Variants in MPP7 observed in about 807,000 individuals in gnomAD.
MPP7 encodes the protein MAGUK p55 scaffold protein 7.
In MPP7, 60 loss-of-function variants were observed where a neutral mutation model predicts 76.5. The observed-to-expected ratio is 0.78, with a 90% CI of 0.64 to 0.97. MPP7 has a LOEUF of 0.97. MPP7 is among the 50% of genes least tolerant of loss of function. The pLI is 0.00. For missense variants in MPP7, 641 were observed against 694.0 expected (o/e 0.92, Z 0.86); for synonymous variants, 237 against 244.5 (o/e 0.97, Z 0.29).
At chr10:28,306,996 G>C (rs1044768741), upstream of MPP7, among the ~76,000 whole-genome samples, 1 of 152,142 alleles carries the variant, frequency 6.6e-6, no homozygotes, top group Non-Finnish European at 1.5e-5. Context: ...TAAATCACCT[G>C]CCTAACCCTA....
intron 3 of MPP7, among the ~76,000 whole-genome samples, chr10:28,195,737 G>A (rs895789111): frequency 3.9e-5 from 6 of 152,332 alleles, no homozygotes; most frequent in African/African-American, 1.4e-4. Context: ...ATGGGAGAGA[G>A]AATGCAAGGA....
chr10:28,116,858 G>GA (rs1834677741), intron 11 of MPP7, among the ~76,000 whole-genome samples: 1 of 152,104 alleles, frequency 6.6e-6, no homozygotes, highest in Non-Finnish European at 1.5e-5. Flanking sequence ...AAGCAACAAA[G>GA]ATGAATATGA....
At chr10:28,236,020 A>C (rs1839063356) in intron 2 of MPP7, among the ~76,000 whole-genome samples, 1 of 152,238 alleles carries the variant, frequency 6.6e-6, no homozygotes, top group Admixed American at 6.5e-5. Context: ...AGCTATCACT[A>C]GTAACGCACA....
At chr10:28,061,411 C>A (rs1851779261) in intron 13 of MPP7, among the ~76,000 whole-genome samples, 1 of 151,474 alleles carries the variant, frequency 6.6e-6, no homozygotes, top group Non-Finnish European at 1.5e-5. Flanking sequence ...CCAACAGAAA[C>A]AAATCACTAG....
intron 2 of MPP7, among the ~76,000 whole-genome samples, chr10:28,313,937 C>A (rs1198091655): frequency 7.2e-6 from 1 of 139,300 alleles, no homozygotes; most frequent in East Asian, 2.1e-4. Context: ...AACTCCTGGG[C>A]TCAAGTAGTC....
At chr10:28,212,361 T>C (rs1264767184) in intron 2 of MPP7, among the ~76,000 whole-genome samples, 2 of 152,014 alleles carry the variant, frequency 1.3e-5, no homozygotes, top group Non-Finnish European at 2.9e-5. Context: ...ATGAGGGACA[T>C]GGGGGAAAAA....
At position 28,150,063 on chromosome 10, in the gene MPP7, G is replaced by A. The variant is rs1835832943; in HGVS notation, c.157-4C>T. On this transcript the variant is annotated splice_polypyrimidine_tract_variant and splice_region_variant and intron_variant, in intron 3 of 16. Transcript: ENST00000683449. The stretch of plus-strand genomic sequence containing the variant: ...AGTAGTGTAGTTTTTCATGAATCTG[G>A]AAGAAAATCAAATGCATATAAGTTC... 1 of 1,611,360 alleles carries A rather than the reference G, an allele frequency of 6.2e-7. No homozygotes were observed.
chr10:28,079,133 T>C (rs959661594), intron 12 of MPP7, among the ~76,000 whole-genome samples: 1 of 152,232 alleles, frequency 6.6e-6, no homozygotes, highest in Admixed American at 6.5e-5. Flanking sequence ...TTCATTGTTC[T>C]GTTTCAGATT....
intron 11 of MPP7, among the ~76,000 whole-genome samples, chr10:28,100,041 G>C (rs1853751744): frequency 7.0e-6 from 1 of 142,582 alleles, no homozygotes; most frequent in Admixed American, 7.1e-5. Context: ...ATTTGACCAA[G>C]CAAATATTTA....
intron 2 of MPP7, among the ~76,000 whole-genome samples, chr10:28,222,316 T>C (rs7070175): frequency 0.16 from 24,721 of 151,456 alleles, 2,372 homozygotes; most frequent in African/African-American, 0.26. Flanking sequence ...CTGGGTAATA[T>C]GGTGAGACCC....
At position 28,076,538 on chromosome 10, in the gene MPP7, C is replaced by CGT. The variant is rs1341070506; in HGVS notation, c.1124-6687_1124-6686insAC. Among the ~76,000 whole-genome samples, 68 of 147,490 alleles carry CGT rather than the reference C, an allele frequency of 4.6e-4. 1 individual carries two copies. In the East Asian group the frequency reaches 0.01, roughly 23 times the overall value. ...AATTATATATGTTCCCACACACATG[C>CGT]GCGCACACACACACACACACAGAAG... On this transcript the variant is annotated intron_variant, in intron 12 of 16. Transcript: ENST00000683449.
intron 1 of MPP7, among the ~76,000 whole-genome samples, chr10:28,277,424 T>C (rs1000280125): frequency 6.6e-6 from 1 of 151,728 alleles, no homozygotes; most frequent in Admixed American, 6.6e-5. Flanking sequence ...ACAAAAACGA[T>C]CTCCTAATGT....
intron 12 of MPP7, among the ~76,000 whole-genome samples, chr10:28,076,467 T>C (rs1311672843): frequency 1.3e-5 from 2 of 152,148 alleles, no homozygotes; most frequent in Admixed American, 1.3e-4. Context: ...GGAAAACAAG[T>C]GGTGTTGCAA....
At chr10:28,167,443 G>A (rs527852416) in intron 3 of MPP7, among the ~76,000 whole-genome samples, 9 of 152,164 alleles carry the variant, frequency 5.9e-5, no homozygotes, top group Non-Finnish European at 1.2e-4. Context: ...ACATAAAGAT[G>A]GGAGCAACAG....
intron 11 of MPP7, among the ~76,000 whole-genome samples, chr10:28,101,650 T>G (rs1368700390): frequency 6.6e-6 from 1 of 151,994 alleles, no homozygotes; most frequent in East Asian, 1.9e-4. Context: ...AAATTATTTG[T>G]AAGAAAGTAT....
At chr10:28,271,301 G>A (rs991654575) in intron 1 of MPP7, among the ~76,000 whole-genome samples, 1 of 152,142 alleles carries the variant, frequency 6.6e-6, no homozygotes, top group Admixed American at 6.5e-5. Flanking sequence ...AACATTAAGT[G>A]CTGGGACAAC....
At chr10:28,314,788 T>C (rs1162216426) in intron 2 of MPP7, among the ~76,000 whole-genome samples, 1 of 152,224 alleles carries the variant, frequency 6.6e-6, no homozygotes, top group African/African-American at 2.4e-5. Context: ...GTAGAAATTT[T>C]GATTTGTTGC....
At chr10:28,118,647 G>A (rs1371469486) in intron 11 of MPP7, 1 of 985,230 alleles carries the variant, frequency 1.0e-6, no homozygotes, top group Non-Finnish European at 1.2e-6. Context: ...AGCATTCTGT[G>A]ACAAGGGTTT....
chr10:28,085,479 A>G (rs761971979), intron 12 of MPP7, among the ~76,000 whole-genome samples: 4 of 152,226 alleles, frequency 2.6e-5, no homozygotes, highest in Non-Finnish European at 5.9e-5. Context: ...GTAGTGAAAC[A>G]TGACAGTTAG....
Sources: allele counts gnomAD v4.1 joint callset (sites outside exome capture counted in the v4.1 genomes callset), GRCh38; gene constraint gnomAD v4.1.1; transcripts MANE v1.5; gene names NCBI Gene and HGNC (gene_info 2026-07-23, HGNC 2026-07-21).